IFT172: variants seen among roughly 807,000 people sequenced by gnomAD.
IFT172 encodes the protein intraflagellar transport 172, also known as intraflagellar transport protein 172 homolog.
A neutral mutation model predicts 248.9 loss-of-function variants in IFT172; 164 were observed. The observed-to-expected ratio is 0.66, with a 90% CI of 0.58 to 0.75. The LOEUF (loss-of-function observed/expected upper bound fraction) is 0.75. Among genes scored for constraint, IFT172 ranks in the 30% least tolerant of loss-of-function variants. IFT172 has a pLI of 0.00. For missense variants in IFT172, 1,950 were observed against 2,192.4 expected, an observed-to-expected ratio of 0.89 and a Z score of 2.21; for synonymous variants, 729 against 791.6, an observed-to-expected ratio of 0.92 and a Z score of 1.33.
At chr2:27,487,304 T>G (rs1383982580) in intron 1 of IFT172, among the ~76,000 whole-genome samples, 1 of 152,198 alleles carries the variant, frequency 6.6e-6, no homozygotes, top group Non-Finnish European at 1.5e-5. Flanking sequence ...CTTCCTGATT[T>G]CCATAATCAA....
At chr2:27,484,396 C>T in intron 3 of IFT172, 130 bp from the exon 4 acceptor site, 1 of 864,372 alleles carries the variant, frequency 1.2e-6, no homozygotes, top group Non-Finnish European at 1.8e-6. Flanking sequence ...TCGAGACCAT[C>T]CTGGCTAACA....
chr2:27,450,362 C>T (rs573178608), intron 35 of IFT172, among the ~76,000 whole-genome samples: 60 of 152,230 alleles, frequency 3.9e-4, no homozygotes, highest in Non-Finnish European at 6.9e-4. Flanking sequence ...TTGAAACTTC[C>T]GCCTTTGACA....
At chr2:27,458,961 A>G (rs1324704709) in intron 25 of IFT172, 93 bp from the exon 26 acceptor site, 1 of 1,266,888 alleles carries the variant, frequency 7.9e-7, no homozygotes, top group African/African-American at 1.5e-5. Context: ...GGGATGGTGG[A>G]GAGCCTGCGA....
chr2:27,481,111 C>T lies in IFT172; in HGVS notation c.720G>A (p.Glu240=), dbSNP rs775632696. Reference sequence around the variant, plus strand: ...TTGATACAGCTGTGGTGAACTCCCGCTCCTGAGGGTCACGGCTATAATCAA... The same window carrying T: ...TTGATACAGCTGTGGTGAACTCCCGTTCCTGAGGGTCACGGCTATAATCAA... ...QTFDYSRDPQ[E]REFTTAVSSP... The change falls in exon 8 of 48, where the codon GAG becomes GAA. Residue 240 remains glutamate, a synonymous_variant. Transcript: ENST00000260570. The T allele has an allele frequency of 2.5e-6, 4 of 1,613,938 alleles. No individual in the cohort carries two copies. Among genetic ancestry groups the T allele is most frequent in the Admixed American group, 1.7e-5 (1 of 60,004 alleles).
intron 21 of IFT172, 101 bp from the exon 22 acceptor site, chr2:27,461,618 G>A: frequency 6.6e-7 from 1 of 1,518,824 alleles, no homozygotes. Context: ...ATCCTCCTGG[G>A]TCAGCAGTAT....
chr2:27,454,497 C>T lies in IFT172; in HGVS notation c.3465+70G>A. ...GCAGGCATGAGACTGGGGGTCTGCA[C>T]ACCCAGCAGCAGTGCACTAGGGGAT... On this transcript the variant is annotated intron_variant, in intron 31 of 47. Transcript: ENST00000260570. The surrounding 1 kb of genome is among the most constrained non-coding windows in gnomAD (Gnocchi z 4.2). 1 of 1,610,724 alleles carries T rather than the reference C, an allele frequency of 6.2e-7. No individual in the cohort carries two copies. Among genetic ancestry groups the T allele is most frequent in the Non-Finnish European group, 8.5e-7 (1 of 1,176,918 alleles).
chr2:27,476,514 A>G lies in IFT172; in HGVS notation c.1411+127T>C, dbSNP rs149314410. 756 of 642,954 alleles carry G rather than the reference A, an allele frequency of 1.2e-3. 7 individuals are homozygous for G. The East Asian group carries it at 0.02, about 17-fold the overall frequency. 39.8% of individuals were successfully genotyped at this position (642,954 alleles called of 1,614,324 possible). A position where few individuals can be genotyped will look rare whatever the true frequency, so the allele number is the denominator to read the frequency against. ...AACATTTCATATATATCCACTGTAC[A>G]TGTGGAGTTACTATTTACCTGGTGC... On this transcript the variant is annotated intron_variant, in intron 14 of 47. Transcript: ENST00000260570.
intron 14 of IFT172, 109 bp from the exon 15 acceptor site, chr2:27,472,471 A>G (rs1667645617): frequency 1.3e-6 from 1 of 792,046 alleles, no homozygotes. Flanking sequence ...TCTCTTTTAG[A>G]ATTGTAGAGG....
Position 27,470,950 on chromosome 2 carries a change from C to A in IFT172, c.1670G>T (p.Arg557Ile). The change falls in exon 16 of 48, where the codon AGA becomes ATA. Residue 557 changes from arginine to isoleucine, a missense_variant. By Grantham distance (97) the Arg-to-Ile change is moderately conservative (BLOSUM62 -3). Coordinates refer to ENST00000260570, the MANE Select transcript of IFT172 (RefSeq NM_015662.3). Reference sequence around the variant, plus strand: ...TACCCTAATAGTGAACATGGTGACTCTCTCAGGTGCCTCAATGTTGTACCA... The same window carrying A: ...TACCCTAATAGTGAACATGGTGACTATCTCAGGTGCCTCAATGTTGTACCA... ...CVWYNIEAPE[R>I]VTMFTIRGDV... 6.2e-7 allele frequency: 1 copy of A among 1,608,758 alleles called. No individual in the cohort carries two copies. Among genetic ancestry groups the A allele is most frequent in the Non-Finnish European group, 8.5e-7 (1 of 1,178,502 alleles).
Position 27,485,366 on chromosome 2 carries a change from G to C in IFT172, c.177C>G (p.Asp59Glu). 6.2e-7 allele frequency: 1 copy of C among 1,614,060 alleles called. No homozygotes were observed. Among genetic ancestry groups the C allele is most frequent in the African/African-American group, 1.3e-5 (1 of 75,042 alleles). The change falls in exon 2 of 48, where the codon GAC becomes GAG. Residue 59 changes from aspartate to glutamate, a missense_variant. Physicochemically the swap from Asp to Glu is conservative, Grantham distance 45. Transcript: ENST00000260570. ...ACATGAATACACTGTTTACCTTCAT[G>C]TCAGCTGGTTTGGTGGAGAATTTAT... ...RRDKFSTKPADMKYGRKSYMV... is the reference protein window; with the variant it reads ...RRDKFSTKPAEMKYGRKSYMV...
rs774056784 is a variant in IFT172, at chr2:27,445,973, T to C, written c.4771A>G (p.Asn1591Asp). Residue 1591 changes from asparagine to aspartate, a missense_variant, in exon 44 of 48, where the codon AAC (asparagine) becomes GAC (aspartate). By Grantham distance (23) the Asn-to-Asp change is conservative. Around this residue, in one of 3 missense-constraint regions of IFT172, gnomAD observed 620 missense variants for 699.0 expected, o/e 0.89. Coordinates refer to ENST00000260570, the MANE Select transcript of IFT172 (RefSeq NM_015662.3). The surrounding 1 kb of genome is among the most constrained non-coding windows in gnomAD (Gnocchi z 4.4). ...CGATTGAGGAAGATGAATGCCATGT[T>C]ATCCCAGCCAACTGCCTGCAGCAAA... ...GIAAKAVGWD[N>D]MAFIFLNRFL... The C allele has an allele frequency of 6.8e-6, 11 of 1,614,242 alleles. No homozygotes were observed. Among genetic ancestry groups the C allele is most frequent in the Non-Finnish European group, 9.3e-6 (11 of 1,180,046 alleles).
chr2:27,480,597 A>G (rs551341046), intron 8 of IFT172, among the ~76,000 whole-genome samples: 2 of 152,318 alleles, frequency 1.3e-5, no homozygotes, highest in East Asian at 3.9e-4. Flanking sequence ...TCATTCATTC[A>G]TTCATTCGCC....
chr2:27,465,357 A>G, intron 18 of IFT172, 54 bp downstream of exon 18: 3 of 1,429,624 alleles, frequency 2.1e-6, no homozygotes, highest in South Asian at 2.3e-5. Flanking sequence ...GAAAATACTC[A>G]TGTGATTATC....
Position 27,472,473 on chromosome 2 carries a change from T to C in IFT172, c.1412-111A>G, listed in dbSNP as rs544173557. On this transcript the variant is annotated intron_variant, in intron 14 of 47. Transcript: ENST00000260570. ...CTAGGAAGCTAGGTCTCTTTTAGAATTGTAGAGGTTTTGTTTAACTATGTT... is the reference window on the plus strand; with the variant it reads ...CTAGGAAGCTAGGTCTCTTTTAGAACTGTAGAGGTTTTGTTTAACTATGTT... The C allele has an allele frequency of 4.9e-5, 38 of 771,554 alleles. No homozygotes were observed. The African/African-American group carries it at 6.3e-4, about 13-fold the overall frequency. 47.8% of individuals were successfully genotyped at this position (771,554 alleles called of 1,614,324 possible).
chr2:27,479,703 G>T, intron 9 of IFT172, 99 bp from the exon 10 acceptor site: 1 of 842,986 alleles, frequency 1.2e-6, no homozygotes, highest in Non-Finnish European at 2.0e-6. Flanking sequence ...CTAGAGTCTA[G>T]AGAAGAGTTG....
intron 40 of IFT172, among the ~76,000 whole-genome samples, chr2:27,448,384 C>T (rs1404192060): frequency 6.6e-6 from 1 of 152,170 alleles, no homozygotes; most frequent in Non-Finnish European, 1.5e-5. Context: ...CAGGCGTGAG[C>T]CACTGCGCCC....
chr2:27,456,485 C>G (rs183564315), intron 30 of IFT172, 26 bp downstream of exon 30: 9 of 1,603,652 alleles, frequency 5.6e-6, no homozygotes, highest in Non-Finnish European at 6.8e-6. Context: ...GGATGGGGCC[C>G]GTGGAGAGAA....
At chr2:27,466,776 C>T (rs985649557) in intron 16 of IFT172, among the ~76,000 whole-genome samples, 4 of 151,860 alleles carry the variant, frequency 2.6e-5, no homozygotes, top group African/African-American at 9.7e-5. Context: ...CTTTTCGAGA[C>T]CAAGGTGGGA....
rs1668071178 is a variant in IFT172 at position 27,477,708 on chromosome 2, T to C, written c.1168-96A>G. 17 of 949,262 alleles carry C rather than the reference T, an allele frequency of 1.8e-5. No homozygotes were observed. In the South Asian group the frequency reaches 2.2e-4, roughly 12 times the overall value. 58.8% of individuals were successfully genotyped at this position (949,262 alleles called of 1,614,324 possible). The stretch of plus-strand genomic sequence containing the variant: ...ACAGGTTGGGAAGTGGAAAGATATA[T>C]TTATGTAGGCTTTGGCACTACACAA... On this transcript the variant is annotated intron_variant, in intron 11 of 47. Transcript: ENST00000260570.
Sources: allele counts gnomAD v4.1 joint callset (sites outside exome capture counted in the v4.1 genomes callset), GRCh38; gene constraint gnomAD v4.1.1; regional missense constraint gnomAD v4.1.1; non-coding constraint Gnocchi (gnomAD v3.1); transcripts MANE v1.5; gene names NCBI Gene and HGNC (gene_info 2026-07-23, HGNC 2026-07-21).